ATAD3B: variants seen among roughly 807,000 people sequenced by gnomAD.
ATAD3B encodes ATPase family AAA domain-containing protein 3B.
ATAD3B carries 59 observed loss-of-function variants against 70.2 expected under a neutral mutation model. That is an observed-to-expected ratio of 0.84 (90% CI 0.68 to 1.04). The LOEUF is 1.04. Ranked by LOEUF, ATAD3B falls within the 50% of genes least tolerant of loss-of-function variation. The pLI is 0.00. For missense variants in ATAD3B, 961 were observed against 913.4 expected, an observed-to-expected ratio of 1.05 and a Z score of -0.67; for synonymous variants, 423 against 388.6, an observed-to-expected ratio of 1.09 and a Z score of -1.04.
the ATAD3B span, among the ~76,000 whole-genome samples, chr1:1,505,178 A>G: frequency 6.6e-6 from 1 of 152,032 alleles, no homozygotes; most frequent in Non-Finnish European, 1.5e-5. Context: ...AGTGTGAGCC[A>G]TCTCCAGTGA....
chr1:1,505,690 C>G, the ATAD3B span, among the ~76,000 whole-genome samples: 1 of 152,130 alleles, frequency 6.6e-6, no homozygotes, highest in Non-Finnish European at 1.5e-5. Context: ...GGCTCGCACT[C>G]TTGTCTTCCG....
At chr1:1,498,460 CAAAAT>C (rs925868976), downstream of ATAD3B, among the ~76,000 whole-genome samples, 13 of 140,602 alleles carry the variant, frequency 9.2e-5, no homozygotes, top group Non-Finnish European at 1.7e-4. Context: ...GACCCTGTCT[CAAAAT>C]AAATTAAAAA....
At chr1:1,508,852 G>A in the ATAD3B span, among the ~76,000 whole-genome samples, 7 of 151,616 alleles carry the variant, frequency 4.6e-5, no homozygotes, top group South Asian at 1.2e-3. Flanking sequence ...ACTATGACCC[G>A]GGGGCACTGC....
At chr1:1,486,264 C>T in intron 10 of ATAD3B, 29 bp downstream of exon 10, 1 of 1,612,158 alleles carries the variant, frequency 6.2e-7, no homozygotes, top group Non-Finnish European at 8.5e-7. Flanking sequence ...ACAGGTGGGC[C>T]AGGGGCCGCT....
In ATAD3B at chr1:1,480,949, C is replaced by G; in HGVS notation, c.514+13C>G. The G allele has an allele frequency of 1.9e-6, 3 of 1,589,938 alleles. No individual in the cohort carries two copies. Among genetic ancestry groups the G allele is most frequent in the Non-Finnish European group, 2.6e-6 (3 of 1,171,258 alleles). ...GCCATGCGGCGAGGTAGGCTGTCTG[C>G]TCTCCTGGCTGGGGCGGAGGTGGCG... On this transcript the variant is annotated intron_variant, in intron 5 of 15. Coordinates refer to ENST00000673477, the MANE Select transcript of ATAD3B (RefSeq NM_031921.6).
At chr1:1,491,662 A>G (rs1640546145) in intron 15 of ATAD3B, among the ~76,000 whole-genome samples, 1 of 152,000 alleles carries the variant, frequency 6.6e-6, no homozygotes, top group Non-Finnish European at 1.5e-5. Flanking sequence ...CAACCTGGTC[A>G]CTCGATCTAG....
intron 4 of ATAD3B, 150 bp from the exon 5 acceptor site, chr1:1,480,717 G>C: frequency 7.0e-7 from 1 of 1,423,352 alleles, no homozygotes; most frequent in Admixed American, 2.5e-5. Context: ...GATGTCACCC[G>C]TGTCTGTGTC....
the ATAD3B span, among the ~76,000 whole-genome samples, chr1:1,509,036 C>T: frequency 9.9e-5 from 15 of 151,822 alleles, no homozygotes; most frequent in African/African-American, 2.7e-4. Context: ...GGGCTGCCCC[C>T]GGTGTCCACA....
intron 1 of ATAD3B, among the ~76,000 whole-genome samples, chr1:1,476,827 G>T (rs1252720010): frequency 2.0e-5 from 3 of 151,206 alleles, no homozygotes; most frequent in Non-Finnish European, 1.5e-5. Context: ...TTTTTTTAGA[G>T]ACGGAGTTGC....
chr1:1,501,333 C>G (rs554842308), downstream of ATAD3B, among the ~76,000 whole-genome samples: 249 of 152,076 alleles, frequency 1.6e-3, 1 homozygote, highest in African/African-American at 5.7e-3. Context: ...CGGCTCACTG[C>G]AAGCTCTGCC....
chr1:1,494,116 C>T (rs1640662906), intron 15 of ATAD3B, among the ~76,000 whole-genome samples: 1 of 151,994 alleles, frequency 6.6e-6, no homozygotes, highest in Non-Finnish European at 1.5e-5. Flanking sequence ...AGCTCCCGGG[C>T]CCGGGGCCTT....
At chr1:1,508,645 G>T in the ATAD3B span, among the ~76,000 whole-genome samples, 19 of 151,518 alleles carry the variant, frequency 1.3e-4, no homozygotes, top group South Asian at 3.5e-3. Flanking sequence ...TGGACCTGAG[G>T]CTGCCTGAAG....
rs1223210439 is a variant in ATAD3B at position 1,496,622 on chromosome 1, A to G, written c.*805A>G. ...TGGGGGCCACAGGCCACACTGGGAG[A>G]CCACAGTCCTGGCATGCCATGCAGC... On this transcript the variant is annotated 3_prime_UTR_variant, in exon 16 of 16. Coordinates refer to ENST00000673477, the MANE Select transcript of ATAD3B (RefSeq NM_031921.6). 6.6e-6 allele frequency: 1 copy of G among 151,894 alleles called. No individual in the cohort carries two copies. The highest frequency in any genetic ancestry group is 1.5e-5 in the Non-Finnish European group (1 of 68,116). 9.4% of individuals were successfully genotyped at this position (151,894 alleles called of 1,614,324 possible).
chr1:1,492,658 G>A (rs1640594162), intron 15 of ATAD3B, among the ~76,000 whole-genome samples: 1 of 151,808 alleles, frequency 6.6e-6, no homozygotes, highest in South Asian at 2.1e-4. Flanking sequence ...AACTGGACGG[G>A]GCCGGGTGTG....
In ATAD3B at chr1:1,495,977, G is replaced by T. The variant is rs1570286281; in HGVS notation, c.*160G>T. ...GCTGGCTGAGCCCCTGGGGCAGAAG[G>T]AGTGGGGCAGGCGGGGTCTTTGTTC... On this transcript the variant is annotated 3_prime_UTR_variant, in exon 16 of 16. Transcript: ENST00000673477. 33 of 1,382,182 alleles carry T rather than the reference G, an allele frequency of 2.4e-5. 1 individual carries two copies. The East Asian group carries it at 8.6e-4, about 36-fold the overall frequency. The allele number at this position is 1,382,182 out of a possible 1,614,324, so 85.6% of individuals were successfully genotyped here. A position where few individuals can be genotyped will look rare whatever the true frequency, so the allele number is the denominator to read the frequency against.
In ATAD3B at chr1:1,485,772, C is replaced by T; in HGVS notation, c.907-10C>T. ...GTGACCCAATGGTGCTTCCCCTTCC[C>T]CTCCGGCAGGTCAGCCGGCGGCTCC... On this transcript the variant is annotated splice_polypyrimidine_tract_variant and intron_variant, in intron 8 of 15. Transcript: ENST00000673477. The T allele has an allele frequency of 3.7e-6, 6 of 1,612,890 alleles. No homozygotes were observed. Among genetic ancestry groups the T allele is most frequent in the Admixed American group, 1.7e-5 (1 of 59,948 alleles).
downstream of ATAD3B, among the ~76,000 whole-genome samples, chr1:1,498,553 G>A (rs1459607844): frequency 6.6e-6 from 1 of 151,914 alleles, no homozygotes; most frequent in Non-Finnish European, 1.5e-5. Flanking sequence ...GTACAGCTGG[G>A]GAACTCATTG....
chr1:1,480,359 C>G (rs1639846087), intron 4 of ATAD3B, among the ~76,000 whole-genome samples: 1 of 146,364 alleles, frequency 6.8e-6, no homozygotes, highest in Admixed American at 7.0e-5. Context: ...GGGCGCCCAG[C>G]TGGCAGTCTG....
At chr1:1,500,078 A>G (rs1419666331), downstream of ATAD3B, among the ~76,000 whole-genome samples, 1 of 150,196 alleles carries the variant, frequency 6.7e-6, no homozygotes, top group African/African-American at 2.5e-5. Flanking sequence ...TTTGTATTTT[A>G]GTAGAGACGG....
Sources: gnomAD v4.1 joint callset for allele counts (sites outside exome capture counted in the v4.1 genomes callset) on GRCh38, gnomAD v4.1.1 for gene constraint, MANE v1.5 for transcripts, NCBI Gene and HGNC (gene_info 2026-07-23, HGNC 2026-07-21) for gene names.